COA1: variants seen among roughly 807,000 people sequenced by gnomAD.
COA1 encodes cytochrome c oxidase assembly factor 1, also known as cytochrome c oxidase assembly factor 1 homolog.
COA1 carries 13 observed loss-of-function variants against 16.0 expected under a neutral mutation model. The observed-to-expected ratio is 0.81, with a 90% CI of 0.53 to 1.29. COA1 has a LOEUF of 1.29. Among genes scored for constraint, COA1 ranks in the 50% most tolerant of loss-of-function variants. COA1 has a pLI of 0.00. For missense variants in COA1, 179 were observed against 177.0 expected, an observed-to-expected ratio of 1.01 and a Z score of -0.06; for synonymous variants, 65 against 65.7, an observed-to-expected ratio of 0.99 and a Z score of 0.05.
intron 6 of COA1, among the ~76,000 whole-genome samples, chr7:43,610,295 C>T (rs28498524): frequency 0.018 from 2,474 of 136,190 alleles, 42 homozygotes; most frequent in Non-Finnish European, 0.025. Flanking sequence ...TGCAGTGAGC[C>T]GAGATCGTGC....
At chr7:43,611,293 A>C (rs1053987436) in intron 6 of COA1, among the ~76,000 whole-genome samples, 1 of 152,194 alleles carries the variant, frequency 6.6e-6, no homozygotes, top group East Asian at 1.9e-4. Flanking sequence ...ACAATGTGGA[A>C]GTTTTCTTGT....
intron 1 of COA1, among the ~76,000 whole-genome samples, chr7:43,707,527 CCCTCCCT>C (rs747652586): frequency 2.6e-5 from 4 of 152,050 alleles, no homozygotes; most frequent in Non-Finnish European, 5.9e-5. Context: ...AATCATTAAC[CCCTCCCT>C]CCTCTCCAAA....
chr7:43,647,136 A>T (rs2089548819), intron 3 of COA1: 2 of 217,520 alleles, frequency 9.2e-6, no homozygotes, highest in Non-Finnish European at 1.8e-5. Flanking sequence ...ACAGCAGAGA[A>T]TGAAAGTGCA....
intron 1 of COA1, among the ~76,000 whole-genome samples, chr7:43,712,023 C>T (rs1380975523): frequency 6.6e-6 from 1 of 152,194 alleles, no homozygotes; most frequent in African/African-American, 2.4e-5. Flanking sequence ...ATCCCATCCC[C>T]TTCCCTCCAC....
At chr7:43,644,716 A>ATAGATAGATAGATAGATAGATTAGAT (rs1444752314) in intron 4 of COA1, among the ~76,000 whole-genome samples, 24 of 18,632 alleles carry the variant, frequency 1.3e-3, no homozygotes, top group African/African-American at 4.2e-3. Context: ...TAGATTAGAT[A>ATAGATAGATAGATAGATAGATTAGAT]GATAGATAGA....
At chr7:43,691,293 GAAAGAAAGAAAGAAAGAAAGAAAGAA>G in intron 1 of COA1, among the ~76,000 whole-genome samples, 1 of 62,960 alleles carries the variant, frequency 1.6e-5, no homozygotes. Context: ...AAGAAAGAAA[GAAAGAAAGAAAGAAAGAAAGAAAGAA>G]AGAAAGAAAG....
Position 43,691,421 on chromosome 7 carries a change from A to AAG in COA1, c.-39+38007_-39+38008insCT, listed in dbSNP as rs1554542664. 4.2e-3 allele frequency among the ~76,000 whole-genome samples: 368 copies of AAG among 87,248 alleles called. 8 individuals are homozygous for AAG. Among genetic ancestry groups the AAG allele is most frequent in the Admixed American group, 7.0e-3 (57 of 8,160 alleles). The allele number at this position is 87,248 out of a possible 152,430, so 57.2% of individuals were successfully genotyped here. ...GAAGGAAGGAAGGAAGGAAGAAAGA[A>AAG]AAAGAAAGAAAGAAAGAAAGAAAGA... On this transcript the variant is annotated intron_variant, in intron 1 of 5. Coordinates refer to ENST00000223336, the MANE Select transcript of COA1 (RefSeq NM_018224.4).
chr7:43,636,425 A>C (rs1424461374), downstream of COA1, among the ~76,000 whole-genome samples: 1 of 152,168 alleles, frequency 6.6e-6, no homozygotes, highest in East Asian at 1.9e-4. Flanking sequence ...TCTCACCTGT[A>C]AGGCAAGTGA....
At chr7:43,658,607 TA>T (rs1469807986) in intron 1 of COA1, 2 of 152,222 alleles carry the variant, frequency 1.3e-5, no homozygotes, top group Admixed American at 1.3e-4. Flanking sequence ...ATTTCACTCC[TA>T]CCTCTCGCCA....
intron 6 of COA1, among the ~76,000 whole-genome samples, chr7:43,615,790 TC>T (rs1363265561): frequency 6.6e-6 from 1 of 152,102 alleles, no homozygotes; most frequent in Admixed American, 6.6e-5. Flanking sequence ...ATACTTCTCT[TC>T]CCTCTGCCTG....
In COA1 at chr7:43,639,579, T is replaced by C; in HGVS notation, c.*3A>G. The C allele has an allele frequency of 1.9e-6, 3 of 1,612,802 alleles. No homozygotes were observed. Among genetic ancestry groups the C allele is most frequent in the Non-Finnish European group, 2.5e-6 (3 of 1,178,918 alleles). ...GAAGCAAGCTGGGTCTTCTGGGTCG[T>C]CTCTACTCCTTTTTCACTTCATCAC... is the stretch of plus-strand genomic sequence containing the variant. On this transcript the variant is annotated 3_prime_UTR_variant, in exon 6 of 6. Coordinates refer to ENST00000223336, the MANE Select transcript of COA1 (RefSeq NM_018224.4).
intron 1 of COA1, among the ~76,000 whole-genome samples, chr7:43,677,800 T>TAAAA (rs11310207): frequency 7.7e-4 from 90 of 116,778 alleles, no homozygotes; most frequent in African/African-American, 2.5e-3. Context: ...GGCTCTGTCT[T>TAAAA]AAAAAAAAAA....
At chr7:43,644,593 C>A (rs765988790) in intron 4 of COA1, among the ~76,000 whole-genome samples, 1 of 151,714 alleles carries the variant, frequency 6.6e-6, no homozygotes, top group Non-Finnish European at 1.5e-5. Flanking sequence ...GTGACATGAT[C>A]ATAACTCATT....
At chr7:43,648,553 C>G in intron 2 of COA1, 47 bp downstream of exon 2, 4 of 1,603,004 alleles carry the variant, frequency 2.5e-6, no homozygotes, top group Non-Finnish European at 3.4e-6. Flanking sequence ...CTCGAGAATA[C>G]CCTGGCAGGT....
intron 6 of COA1, among the ~76,000 whole-genome samples, chr7:43,618,880 G>A (rs1470545247): frequency 6.6e-6 from 1 of 152,144 alleles, no homozygotes; most frequent in Non-Finnish European, 1.5e-5. Context: ...CTGAAGCTTT[G>A]GAAGTAGATG....
At chr7:43,653,435 G>A (rs1313062853) in intron 1 of COA1, among the ~76,000 whole-genome samples, 2 of 152,134 alleles carry the variant, frequency 1.3e-5, no homozygotes, top group Admixed American at 1.3e-4. Context: ...AAAGCAAAAT[G>A]ATAAAAGCAT....
downstream of COA1, among the ~76,000 whole-genome samples, chr7:43,637,389 A>C (rs1282902233): frequency 6.6e-6 from 1 of 152,166 alleles, no homozygotes; most frequent in Non-Finnish European, 1.5e-5. Flanking sequence ...CAGTCTTTAC[A>C]AGTCTACAGT....
In COA1 at chr7:43,639,548, G is replaced by T; in HGVS notation, c.*34C>A. The T allele has an allele frequency of 6.4e-7, 1 of 1,551,346 alleles. No homozygotes were observed. The highest frequency in any genetic ancestry group is 8.9e-7 in the Non-Finnish European group (1 of 1,123,536). ...CATATGGTAGAGATGAGGGAAGGATGGACTAGAAGCAAGCTGGGTCTTCTG... is the reference window on the plus strand; with the variant it reads ...CATATGGTAGAGATGAGGGAAGGATTGACTAGAAGCAAGCTGGGTCTTCTG... On this transcript the variant is annotated 3_prime_UTR_variant, in exon 6 of 6. Coordinates refer to ENST00000223336, the MANE Select transcript of COA1 (RefSeq NM_018224.4).
intron 1 of COA1, among the ~76,000 whole-genome samples, chr7:43,687,549 T>C (rs936785979): frequency 1.3e-5 from 2 of 152,182 alleles, no homozygotes; most frequent in Admixed American, 6.5e-5. Flanking sequence ...TTTGAAAGTT[T>C]TATGATGATA....
Sources: allele counts gnomAD v4.1 joint callset (sites outside exome capture counted in the v4.1 genomes callset), GRCh38; gene constraint gnomAD v4.1.1; transcripts MANE v1.5; gene names NCBI Gene and HGNC (gene_info 2026-07-23, HGNC 2026-07-21).